Variants in PDS5A observed in about 807,000 individuals in gnomAD.
The protein encoded by PDS5A is PDS5 cohesin associated factor A.
A neutral mutation model predicts 167.1 loss-of-function variants in PDS5A; 42 were observed. That is an observed-to-expected ratio of 0.25 (90% CI 0.20 to 0.33). PDS5A has a LOEUF of 0.33. Ranked by LOEUF, PDS5A falls within the 10% of genes least tolerant of loss-of-function variation. PDS5A has a pLI of 1.00. For synonymous variants in PDS5A, 553 were observed against 554.6 expected (o/e 1.00, Z 0.04); for missense variants, 1,033 against 1,605.9 (o/e 0.64, Z 6.10).
Position 39,898,454 on chromosome 4 carries a change from G to C in PDS5A, c.1705C>G (p.Leu569Val), listed in dbSNP as rs747126671. The C allele has an allele frequency of 2.5e-6, 4 of 1,600,476 alleles. No homozygotes were observed. The highest frequency in any genetic ancestry group is 2.3e-5 in the South Asian group (2 of 88,366). ...FNQVLGDDEK[L>V]RSQLELLISP... ...ATTAATAACTCCAACTGAGACCGAA[G>C]TTTCTCATCATCGCCGAGAACCTGG... The change falls in exon 16 of 33, where the codon CTT (leucine) becomes GTT (valine). Residue 569 changes from leucine (L) to valine (V), a missense_variant. Leu to Val is a conservative substitution (Grantham distance 32, BLOSUM62 1). This residue lies in a region of PDS5A where 367 missense variants were observed against 686.7 expected (regional missense o/e 0.53). Transcript: ENST00000303538.
At chr4:39,890,173 A>G (rs1007659205) in intron 17 of PDS5A, 76 bp downstream of exon 17, 3 of 781,654 alleles carry the variant, frequency 3.8e-6, no homozygotes, top group Admixed American at 2.4e-5. Context: ...TATCTTTAGG[A>G]GCCCAGAATT....
chr4:39,862,296 T>C lies in PDS5A; in HGVS notation c.3009A>G (p.Pro1003=), dbSNP rs367611387. 4 of 1,528,504 alleles carry C rather than the reference T, an allele frequency of 2.6e-6. No homozygotes were observed. The African/African-American group carries it at 4.1e-5, about 16-fold the overall frequency. 94.7% of individuals were successfully genotyped at this position (1,528,504 alleles called of 1,614,324 possible). A position where few individuals can be genotyped will look rare whatever the true frequency, so the allele number is the denominator to read the frequency against. ...LLSLLPEYVV[P]YMIHLLAHDP... ...CATGGGCTAGCAGGTGAATCATGTA[T>C]GGAACTACATATTCAGGCAACAGTG... is the stretch of plus-strand genomic sequence containing the variant. The change falls in exon 26 of 33, where the codon CCA becomes CCG. Residue 1003 remains proline, a synonymous_variant. Transcript: ENST00000303538.
intron 30 of PDS5A, 111 bp downstream of exon 30, chr4:39,844,545 T>C (rs1717404336): frequency 1.3e-6 from 1 of 748,972 alleles, no homozygotes; most frequent in East Asian, 2.6e-5. Context: ...TATTATTTTG[T>C]ACCAGAACAC....
chr4:39,913,731 G>A lies in PDS5A; in HGVS notation c.877-5C>T. 1.3e-6 allele frequency: 2 copies of A among 1,487,500 alleles called. No individual in the cohort carries two copies. The highest frequency in any genetic ancestry group is 1.1e-5 in the South Asian group (1 of 88,502). 92.1% of individuals were successfully genotyped at this position (1,487,500 alleles called of 1,614,324 possible). A position where few individuals can be genotyped will look rare whatever the true frequency, so the allele number is the denominator to read the frequency against. On this transcript the variant is annotated splice_region_variant and splice_polypyrimidine_tract_variant and intron_variant, in intron 8 of 32. Coordinates refer to ENST00000303538, the MANE Select transcript of PDS5A (RefSeq NM_001100399.2). ...TCGCTCTTCTCCATCATTGCTCTAA[G>A]AAGGGAAAACAGAAAGTGAAGCCTA...
rs1731225922 is a variant in PDS5A at position 39,977,429 on chromosome 4, G to A, written c.-41+28C>T. ...CGTCCCCTCCCTCCAGCAGCCTAGG[G>A]CGGGAGCCGAGCCGCCGCCGCCTTT... On this transcript the variant is annotated intron_variant, in intron 1 of 32. Coordinates refer to ENST00000303538, the MANE Select transcript of PDS5A (RefSeq NM_001100399.2). This position sits in a 1 kb window ranked among gnomAD's most constrained non-coding sequence, Gnocchi z 4.2. The A allele has an allele frequency of 6.5e-6, 1 of 153,524 alleles. No individual in the cohort carries two copies. Among genetic ancestry groups the A allele is most frequent in the African/African-American group, 2.4e-5 (1 of 41,410 alleles). 9.5% of individuals were successfully genotyped at this position (153,524 alleles called of 1,614,324 possible).
intron 11 of PDS5A, 97 bp downstream of exon 11, chr4:39,908,298 A>C: frequency 1.1e-6 from 1 of 926,092 alleles, no homozygotes; most frequent in South Asian, 1.4e-5. Flanking sequence ...TTTGATTTTC[A>C]CACAGAAAGA....
In PDS5A at chr4:39,838,104, A is replaced by G. The variant is rs554644538; in HGVS notation, c.3762T>C (p.Asp1254=). 1 of 1,612,204 alleles carries G rather than the reference A, an allele frequency of 6.2e-7. No homozygotes were observed. The highest frequency in any genetic ancestry group is 1.3e-5 in the African/African-American group (1 of 74,928). ...GAGGTCCCGATTCATCTACTTTCTC[A>G]TCTGTTTTTTGTTGGATATTCTCTG... ...AGAENIQQKT[D]EKVDESGPPA... The change falls in exon 32 of 33, where the codon GAT becomes GAC. Residue 1254 remains aspartate, a synonymous_variant. Transcript: ENST00000303538.
rs565546837 is a variant in PDS5A at position 39,845,102 on chromosome 4, A to G, written c.3403-301T>C. ...ATAAGCCGGTAGTCCCATCTACTCG[A>G]TAGACTGAGGCATGAGAATTGCCTG... is the stretch of plus-strand genomic sequence containing the variant. On this transcript the variant is annotated intron_variant, in intron 29 of 32. Transcript: ENST00000303538. Among the ~76,000 whole-genome samples the G allele has an allele frequency of 2.0e-5, 3 of 152,140 alleles. No homozygotes were observed. The South Asian group carries it at 6.2e-4, about 32-fold the overall frequency.
intron 2 of PDS5A, among the ~76,000 whole-genome samples, chr4:39,935,176 G>C (rs1361794563): frequency 6.6e-6 from 1 of 152,172 alleles, no homozygotes; most frequent in East Asian, 1.9e-4. Context: ...CTGTTGCCTA[G>C]GCTGGAGTGC....
At chr4:39,954,785 A>G (rs1728774138) in intron 2 of PDS5A, among the ~76,000 whole-genome samples, 1 of 151,822 alleles carries the variant, frequency 6.6e-6, no homozygotes, top group Admixed American at 6.6e-5. Flanking sequence ...CATGCCTGTT[A>G]ATAGGCATGA....
chr4:39,902,276 C>A, intron 13 of PDS5A, 71 bp downstream of exon 13: 1 of 673,304 alleles, frequency 1.5e-6, no homozygotes, highest in Non-Finnish European at 2.6e-6. Flanking sequence ...TCAATAACAA[C>A]TAATTAGATA....
chr4:39,899,166 A>C (rs1264054520), intron 14 of PDS5A, among the ~76,000 whole-genome samples: 1 of 152,206 alleles, frequency 6.6e-6, no homozygotes, highest in African/African-American at 2.4e-5. Context: ...TATCAGAATT[A>C]CTATGAAACT....
intron 26 of PDS5A, among the ~76,000 whole-genome samples, chr4:39,856,568 C>A (rs921402181): frequency 2.0e-5 from 3 of 152,132 alleles, no homozygotes; most frequent in Non-Finnish European, 4.4e-5. Context: ...GTAATCCCAG[C>A]ACTTTGGGAG....
At chr4:39,847,757 C>T (rs905766796) in intron 28 of PDS5A, 3 of 152,250 alleles carry the variant, frequency 2.0e-5, no homozygotes, top group East Asian at 3.9e-4. Flanking sequence ...TAAAGTACGG[C>T]ATTCAAAGTA....
At chr4:39,868,847 AAC>A (rs1157448206) in intron 22 of PDS5A, 5 of 351,056 alleles carry the variant, frequency 1.4e-5, no homozygotes, top group African/African-American at 1.1e-4. Flanking sequence ...CACAAAGTGA[AAC>A]AGATTATCAA....
At chr4:39,903,543 T>C (rs1476253004) in intron 12 of PDS5A, among the ~76,000 whole-genome samples, 2 of 152,238 alleles carry the variant, frequency 1.3e-5, no homozygotes, top group Non-Finnish European at 2.9e-5. Context: ...AACAACTTAG[T>C]AATTCCTCTA....
chr4:39,862,181 CAT>C (rs1027536699), intron 26 of PDS5A, 36 bp downstream of exon 26: 7 of 791,142 alleles, frequency 8.8e-6, no homozygotes, highest in Non-Finnish European at 1.2e-5. Flanking sequence ...GAAAACTAAA[CAT>C]AATTTTTAGA....
chr4:39,944,320 A>G (rs534013834), intron 2 of PDS5A, among the ~76,000 whole-genome samples: 18 of 152,290 alleles, frequency 1.2e-4, no homozygotes, highest in South Asian at 4.1e-4. Context: ...TACTGACTGT[A>G]ACAGAACAAT....
intron 2 of PDS5A, chr4:39,932,845 A>G (rs1321202883): frequency 6.6e-6 from 1 of 151,174 alleles, no homozygotes; most frequent in Non-Finnish European, 1.5e-5. Flanking sequence ...AAAAAGAGAG[A>G]ACATGCACTA....
Sources: allele counts gnomAD v4.1 joint callset (sites outside exome capture counted in the v4.1 genomes callset), GRCh38; gene constraint gnomAD v4.1.1; regional missense constraint gnomAD v4.1.1; non-coding constraint Gnocchi (gnomAD v3.1); transcripts MANE v1.5; gene names NCBI Gene and HGNC (gene_info 2026-07-23, HGNC 2026-07-21).